The following SEMA5A variants were observed in gnomAD, a reference collection of about 807,000 sequenced individuals.
SEMA5A encodes semaphorin-5A.
SEMA5A carries 55 observed loss-of-function variants against 135.5 expected under a neutral mutation model. The ratio of observed to expected loss-of-function variants is 0.41; its 90% CI spans 0.33 to 0.51. SEMA5A has a LOEUF of 0.51. SEMA5A is among the 20% of genes least tolerant of loss of function. The pLI, the probability that SEMA5A is intolerant of heterozygous loss-of-function variation, is 0.37. For synonymous variants in SEMA5A, 580 were observed against 546.5 expected, an observed-to-expected ratio of 1.06 and a Z score of -0.85; for missense variants, 1,290 against 1,419.9, an observed-to-expected ratio of 0.91 and a Z score of 1.47.
At chr5:9,274,941 C>T (rs1750176167) in intron 5 of SEMA5A, among the ~76,000 whole-genome samples, 1 of 151,976 alleles carries the variant, frequency 6.6e-6, no homozygotes, top group Non-Finnish European at 1.5e-5. Context: ...CAAGAGCAAA[C>T]ACATTCAAAA....
chr5:9,057,801 C>T (rs549898801), intron 18 of SEMA5A, among the ~76,000 whole-genome samples: 165 of 152,318 alleles, frequency 1.1e-3, no homozygotes, highest in African/African-American at 3.9e-3. Flanking sequence ...GCCCTATGTC[C>T]CCAGACCAAT....
chr5:9,396,567 C>T (rs1245247872), intron 2 of SEMA5A, among the ~76,000 whole-genome samples: 2 of 152,118 alleles, frequency 1.3e-5, no homozygotes, highest in African/African-American at 4.8e-5. Context: ...AAATTCTCAC[C>T]CAATGTGCTA....
chr5:9,524,919 T>C (rs933909150), intron 1 of SEMA5A, among the ~76,000 whole-genome samples: 1 of 152,186 alleles, frequency 6.6e-6, no homozygotes, highest in South Asian at 2.1e-4. Context: ...CACTTTGGCT[T>C]AGATACCATG....
At chr5:9,410,776 C>G (rs78416631) in intron 2 of SEMA5A, among the ~76,000 whole-genome samples, 2,414 of 151,180 alleles carry the variant, frequency 0.016, 61 homozygotes, top group African/African-American at 0.055. Flanking sequence ...CCATGGCCCA[C>G]GTATATCTGT....
At chr5:9,484,308 A>G (rs923348946) in intron 1 of SEMA5A, among the ~76,000 whole-genome samples, 1 of 152,180 alleles carries the variant, frequency 6.6e-6, no homozygotes, top group Non-Finnish European at 1.5e-5. Context: ...AGCCACCAAC[A>G]TGATTTCCTT....
intron 13 of SEMA5A, among the ~76,000 whole-genome samples, chr5:9,134,216 G>C (rs1741603271): frequency 6.6e-6 from 1 of 152,152 alleles, no homozygotes; most frequent in African/African-American, 2.4e-5. Flanking sequence ...CATGATCTCG[G>C]TTCACCACAG....
intron 6 of SEMA5A, among the ~76,000 whole-genome samples, chr5:9,227,993 A>AGG (rs1747412950): frequency 6.6e-6 from 1 of 152,206 alleles, no homozygotes; most frequent in African/African-American, 2.4e-5. Flanking sequence ...TGTTCTTAGA[A>AGG]AACCCTGGGT....
intron 8 of SEMA5A, among the ~76,000 whole-genome samples, chr5:9,203,792 A>C (rs1745856011): frequency 6.6e-6 from 1 of 152,182 alleles, no homozygotes; most frequent in Admixed American, 6.5e-5. Context: ...TTCTTAAGTC[A>C]CTATTGCTTT....
At chr5:9,218,351 A>G (rs1428676914) in intron 8 of SEMA5A, among the ~76,000 whole-genome samples, 1 of 152,166 alleles carries the variant, frequency 6.6e-6, no homozygotes, top group African/African-American at 2.4e-5. Context: ...GAAACAATTC[A>G]TTGGTGGCTG....
At chr5:9,314,955 A>G (rs1208785445) in intron 5 of SEMA5A, among the ~76,000 whole-genome samples, 3 of 152,130 alleles carry the variant, frequency 2.0e-5, no homozygotes, top group African/African-American at 7.2e-5. Context: ...GGCATCCTAT[A>G]CTTCAGTAAC....
chr5:9,390,395 C>G (rs898075006), intron 2 of SEMA5A, among the ~76,000 whole-genome samples: 4 of 151,416 alleles, frequency 2.6e-5, no homozygotes, highest in Non-Finnish European at 5.9e-5. Flanking sequence ...TGTCAAAGGA[C>G]AAAAAAGGAG....
At chr5:9,055,566 T>C (rs1295276713) in intron 18 of SEMA5A, among the ~76,000 whole-genome samples, 8 of 152,214 alleles carry the variant, frequency 5.3e-5, no homozygotes, top group Non-Finnish European at 1.2e-4. Flanking sequence ...TGTTTCTTTT[T>C]AGATATTGGC....
At chr5:9,512,021 C>T (rs1451317452) in intron 1 of SEMA5A, 1 of 152,130 alleles carries the variant, frequency 6.6e-6, no homozygotes, top group Non-Finnish European at 1.5e-5. Context: ...GAAGAAAAGT[C>T]TTGGAAACAT....
chr5:9,488,190 G>T (rs981862639), intron 1 of SEMA5A, among the ~76,000 whole-genome samples: 1 of 152,082 alleles, frequency 6.6e-6, no homozygotes, highest in African/African-American at 2.4e-5. Context: ...TGCCTGTGAG[G>T]CTATTCAGTC....
intron 10 of SEMA5A, among the ~76,000 whole-genome samples, chr5:9,196,453 G>A (rs1745388981): frequency 6.6e-6 from 1 of 152,202 alleles, no homozygotes; most frequent in Non-Finnish European, 1.5e-5. Flanking sequence ...TGTCTTGAAG[G>A]TCTAGCTTCT....
chr5:9,428,340 C>A (rs1002918986), intron 2 of SEMA5A, among the ~76,000 whole-genome samples: 1 of 152,006 alleles, frequency 6.6e-6, no homozygotes, highest in African/African-American at 2.4e-5. Context: ...TGCTGTGCTG[C>A]GCTATTTTTA....
At chr5:9,291,247 G>A (rs757369880) in intron 5 of SEMA5A, among the ~76,000 whole-genome samples, 5 of 152,094 alleles carry the variant, frequency 3.3e-5, no homozygotes, top group East Asian at 1.9e-4. Context: ...TTCTGGATGC[G>A]GCAGATTTTG....
intron 11 of SEMA5A, among the ~76,000 whole-genome samples, chr5:9,178,315 CT>C (rs934803181): frequency 1.0e-4 from 14 of 138,484 alleles, no homozygotes; most frequent in Admixed American, 3.0e-4. Context: ...AGCTCTCTTT[CT>C]TTTTTTTTTC....
intron 3 of SEMA5A, among the ~76,000 whole-genome samples, chr5:9,357,212 T>C (rs868472866): frequency 2.6e-5 from 4 of 152,214 alleles, no homozygotes; most frequent in African/African-American, 4.8e-5. Flanking sequence ...TTTGATATAC[T>C]GGACCTATTA....
Sources: allele counts gnomAD v4.1 joint callset (sites outside exome capture counted in the v4.1 genomes callset), GRCh38; gene constraint gnomAD v4.1.1; transcripts MANE v1.5; gene names NCBI Gene and HGNC (gene_info 2026-07-23, HGNC 2026-07-21).